The following ITSN1 variants were observed in gnomAD, a reference collection of about 807,000 sequenced individuals.
ITSN1 encodes intersectin 1.
In ITSN1, 58 loss-of-function variants were observed where a neutral mutation model predicts 239.8. That is an observed-to-expected ratio of 0.24 (90% CI 0.20 to 0.30). The LOEUF is 0.30. Ranked by LOEUF, ITSN1 falls within the 10% of genes least tolerant of loss-of-function variation. The pLI is 1.00. For synonymous variants in ITSN1, 780 were observed against 770.8 expected, an observed-to-expected ratio of 1.01 and a Z score of -0.20; for missense variants, 1,558 against 2,103.3, an observed-to-expected ratio of 0.74 and a Z score of 5.07.
intron 29 of ITSN1, among the ~76,000 whole-genome samples, chr21:33,852,533 G>T (rs576770700): frequency 6.6e-6 from 1 of 151,572 alleles, no homozygotes; most frequent in South Asian, 2.1e-4. Context: ...TATTGGTAAG[G>T]TTTTTTTTTC....
At position 33,867,313 on chromosome 21, in the gene ITSN1, C is replaced by A; in HGVS notation, c.4155C>A (p.Tyr1385Ter). ...AGCCTATGCAACGGGTAACAAGATA[C>A]CCACTGATCATTAAAAATGTAAGTA... The part of the protein sequence containing the change: ...ILKPMQRVTR[Y>*]PLIIKNILEN... Residue 1385 changes from tyrosine to a stop codon, truncating the protein, a stop_gained, in exon 33 of 40, where the codon TAC becomes TAA. Transcript: ENST00000381318. LOFTEE classifies it high-confidence loss of function. 1 of 1,600,802 alleles carries A rather than the reference C, an allele frequency of 6.2e-7. No individual in the cohort carries two copies. Among genetic ancestry groups the A allele is most frequent in the Non-Finnish European group, 8.6e-7 (1 of 1,168,106 alleles).
intron 24 of ITSN1, among the ~76,000 whole-genome samples, chr21:33,822,023 A>G (rs1435408826): frequency 6.6e-6 from 1 of 152,206 alleles, no homozygotes; most frequent in East Asian, 1.9e-4. Flanking sequence ...CTGTGGAGGT[A>G]TGTGTTACCA....
intron 1 of ITSN1, among the ~76,000 whole-genome samples, chr21:33,682,373 G>A (rs2091011631): frequency 6.6e-6 from 1 of 151,856 alleles, no homozygotes; most frequent in Non-Finnish European, 1.5e-5. Flanking sequence ...GCGCCACCAC[G>A]CCCGGCTAAT....
At chr21:33,817,097 T>C (rs1463079571) in intron 22 of ITSN1, 1 of 1,093,864 alleles carries the variant, frequency 9.1e-7, no homozygotes, top group Non-Finnish European at 1.2e-6. Flanking sequence ...TCTCTAGGCA[T>C]TATCTTTTGT....
chr21:33,792,471 A>AT (rs896615953), intron 16 of ITSN1, among the ~76,000 whole-genome samples: 5 of 152,126 alleles, frequency 3.3e-5, no homozygotes, highest in African/African-American at 9.7e-5. Context: ...TTCTGAACCT[A>AT]TTTAAGAATT....
At chr21:33,814,464 A>G (rs2073131378) in intron 22 of ITSN1, 2 of 183,768 alleles carry the variant, frequency 1.1e-5, no homozygotes, top group East Asian at 2.8e-4. Flanking sequence ...ATTTGTCTAG[A>G]CCATTGAGTT....
intron 1 of ITSN1, among the ~76,000 whole-genome samples, chr21:33,687,458 C>T (rs1237989882): frequency 1.4e-5 from 2 of 146,482 alleles, no homozygotes; most frequent in Non-Finnish European, 3.0e-5. Context: ...GGATGCTTAT[C>T]GGCATGAGTT....
chr21:33,883,724 C>G (rs531876214), intron 36 of ITSN1, 53 bp downstream of exon 36: 183 of 1,596,264 alleles, frequency 1.1e-4, no homozygotes, highest in Admixed American at 2.9e-4. Context: ...GGCTCTAGGA[C>G]ACACAAGGGG....
intron 1 of ITSN1, among the ~76,000 whole-genome samples, chr21:33,675,462 G>A (rs2146437545): frequency 6.6e-6 from 1 of 152,254 alleles, no homozygotes; most frequent in Admixed American, 6.5e-5. Context: ...AGCTACTTGG[G>A]AGGCTGAGGT....
At chr21:33,792,902 C>A (rs909367220) in intron 16 of ITSN1, among the ~76,000 whole-genome samples, 3 of 152,062 alleles carry the variant, frequency 2.0e-5, no homozygotes, top group African/African-American at 7.3e-5. Context: ...CCCCTTCCTT[C>A]CTTTCCTTTT....
At chr21:33,838,453 G>T (rs2074707765) in intron 29 of ITSN1, 2 of 982,488 alleles carry the variant, frequency 2.0e-6, no homozygotes, top group South Asian at 9.4e-5. Flanking sequence ...ACAACCTTTT[G>T]AATTAGTTCC....
intron 1 of ITSN1, among the ~76,000 whole-genome samples, chr21:33,653,881 G>T (rs912770579): frequency 2.6e-5 from 4 of 151,846 alleles, no homozygotes; most frequent in Admixed American, 6.6e-5. Context: ...GTCTTGAACT[G>T]CTGGGTTCCA....
At chr21:33,692,711 T>C (rs2091602598) in intron 1 of ITSN1, among the ~76,000 whole-genome samples, 1 of 152,308 alleles carries the variant, frequency 6.6e-6, no homozygotes, top group Middle Eastern at 3.4e-3. Flanking sequence ...GAAGGAAATA[T>C]GAAAATTAGG....
chr21:33,814,826 G>A (rs180870201), intron 22 of ITSN1, among the ~76,000 whole-genome samples: 1 of 152,236 alleles, frequency 6.6e-6, no homozygotes, highest in Admixed American at 6.5e-5. Context: ...TGAGACCTAG[G>A]GCAGGCCTGG....
chr21:33,836,648 G>T lies in ITSN1; in HGVS notation c.3661+16G>T. The T allele has an allele frequency of 6.2e-7, 1 of 1,604,028 alleles. No individual in the cohort carries two copies. Among genetic ancestry groups the T allele is most frequent in the African/African-American group, 1.3e-5 (1 of 74,786 alleles). On this transcript the variant is annotated intron_variant, in intron 29 of 39. Coordinates refer to ENST00000381318, the MANE Select transcript of ITSN1 (RefSeq NM_003024.3). Reference sequence around the variant, plus strand: ...AGCCAGCAATGTAAGTGCCCTGGTGGCTCTGTCGCCTCGCCTCTCTGGTAT... The same window carrying T: ...AGCCAGCAATGTAAGTGCCCTGGTGTCTCTGTCGCCTCGCCTCTCTGGTAT...
intron 32 of ITSN1, among the ~76,000 whole-genome samples, chr21:33,866,557 C>G (rs954451661): frequency 6.6e-6 from 1 of 152,158 alleles, no homozygotes; most frequent in Non-Finnish European, 1.5e-5. Context: ...TTGCCAGCTG[C>G]GAGGTGTTCC....
chr21:33,800,654 A>G (rs762434752), intron 19 of ITSN1, among the ~76,000 whole-genome samples: 13 of 152,182 alleles, frequency 8.5e-5, no homozygotes, highest in Non-Finnish European at 1.6e-4. Flanking sequence ...GACTAAAACT[A>G]TAGGAACCAG....
chr21:33,838,889 T>C (rs148906327), intron 29 of ITSN1, among the ~76,000 whole-genome samples: 5 of 152,334 alleles, frequency 3.3e-5, no homozygotes, highest in African/African-American at 1.2e-4. Context: ...CCCAAAATTA[T>C]GTGGGTAAAG....
chr21:33,745,007 A>C (rs1209191133), intron 5 of ITSN1, among the ~76,000 whole-genome samples: 2 of 152,232 alleles, frequency 1.3e-5, no homozygotes, highest in African/African-American at 4.8e-5. Context: ...CTCTTTATAA[A>C]ATTATTACAG....
Sources: gnomAD v4.1 joint callset for allele counts (sites outside exome capture counted in the v4.1 genomes callset) on GRCh38, gnomAD v4.1.1 for gene constraint, MANE v1.5 for transcripts, NCBI Gene and HGNC (gene_info 2026-07-23, HGNC 2026-07-21) for gene names.